The following NRXN1 variants were observed in gnomAD, a reference collection of about 807,000 sequenced individuals.
NRXN1 encodes neurexin-1.
A neutral mutation model predicts 150.9 loss-of-function variants in NRXN1; 39 were observed. The ratio of observed to expected loss-of-function variants is 0.26; its 90% confidence interval spans 0.20 to 0.34. NRXN1 has a LOEUF of 0.34. Ranked by LOEUF, NRXN1 falls within the 10% of genes least tolerant of loss-of-function variation. The pLI is 1.00. For missense variants in NRXN1, 1,815 were observed against 1,949.9 expected, an observed-to-expected ratio of 0.93 and a Z score of 1.30; for synonymous variants, 924 against 757.0, an observed-to-expected ratio of 1.22 and a Z score of -3.62.
intron 5 of NRXN1, among the ~76,000 whole-genome samples, chr2:50,797,329 A>C (rs752638781): frequency 1.3e-5 from 2 of 152,100 alleles, no homozygotes; most frequent in African/African-American, 2.4e-5. Context: ...AGTAGTTCTC[A>C]ATCACTGGAG....
chr2:50,935,265 T>C (rs987718481), intron 2 of NRXN1, among the ~76,000 whole-genome samples: 6 of 152,096 alleles, frequency 3.9e-5, no homozygotes, highest in East Asian at 3.9e-4. Context: ...GCAAATAAAA[T>C]AGTCAACATT....
At chr2:50,535,317 C>G (rs1197296618) in intron 10 of NRXN1, among the ~76,000 whole-genome samples, 1 of 152,228 alleles carries the variant, frequency 6.6e-6, no homozygotes, top group Non-Finnish European at 1.5e-5. Context: ...TCAACTTTGT[C>G]TTCTATATCT....
At chr2:50,249,844 G>A (rs982524301) in intron 17 of NRXN1, among the ~76,000 whole-genome samples, 3 of 151,886 alleles carry the variant, frequency 2.0e-5, no homozygotes, top group African/African-American at 7.3e-5. Flanking sequence ...CACCATGTTG[G>A]CCAGGCTTGT....
chr2:50,666,878 G>GTGTGTGTGTGTGTGT (rs1559097612), intron 5 of NRXN1, among the ~76,000 whole-genome samples: 2 of 128,856 alleles, frequency 1.6e-5, no homozygotes, highest in East Asian at 2.4e-4. Context: ...TGATGATGAT[G>GTGTGTGTGTGTGTGT]ATGTGTGTGT....
At chr2:50,172,768 A>G (rs1243492080) in intron 18 of NRXN1, among the ~76,000 whole-genome samples, 3 of 152,174 alleles carry the variant, frequency 2.0e-5, no homozygotes, top group Non-Finnish European at 4.4e-5. Context: ...GGAGTTCGAG[A>G]CCAGCCTAAT....
chr2:50,948,954 T>C (rs1690846463), intron 2 of NRXN1, among the ~76,000 whole-genome samples: 1 of 151,978 alleles, frequency 6.6e-6, no homozygotes, highest in Admixed American at 6.6e-5. Context: ...TTGGATCTGG[T>C]GGAATACACC....
At chr2:50,766,797 G>A (rs1021289863) in intron 5 of NRXN1, among the ~76,000 whole-genome samples, 4 of 151,986 alleles carry the variant, frequency 2.6e-5, no homozygotes, top group Admixed American at 1.3e-4. Flanking sequence ...CAGATGTGCA[G>A]AATATAAGGG....
intron 17 of NRXN1, among the ~76,000 whole-genome samples, chr2:50,332,707 C>G (rs1915166): frequency 0.22 from 32,966 of 152,028 alleles, 4,217 homozygotes; most frequent in East Asian, 0.5. Flanking sequence ...TTAATAATTC[C>G]CAGCAAGTAA....
intron 5 of NRXN1, among the ~76,000 whole-genome samples, chr2:50,759,425 C>T (rs568227471): frequency 5.3e-4 from 81 of 151,924 alleles, no homozygotes; most frequent in African/African-American, 1.9e-3. Context: ...AGATAACTAG[C>T]ATAAAAGGAA....
intron 17 of NRXN1, among the ~76,000 whole-genome samples, chr2:50,433,356 G>A (rs2085139622): frequency 6.6e-6 from 1 of 152,128 alleles, no homozygotes; most frequent in African/African-American, 2.4e-5. Context: ...ATGAGTGCAT[G>A]TTTAAAAATA....
intron 22 of NRXN1, among the ~76,000 whole-genome samples, chr2:49,936,653 G>C (rs191085422): frequency 1.3e-5 from 2 of 151,602 alleles, no homozygotes; most frequent in Non-Finnish European, 2.9e-5. Flanking sequence ...TTCATTTCTG[G>C]TGGCATGTCA....
At chr2:50,658,602 C>T (rs2104620123) in intron 5 of NRXN1, among the ~76,000 whole-genome samples, 1 of 152,078 alleles carries the variant, frequency 6.6e-6, no homozygotes, top group South Asian at 2.1e-4. Context: ...CGTTCCTTCA[C>T]ATTCCTTTCC....
At chr2:50,899,301 A>T (rs1319229872) in intron 5 of NRXN1, among the ~76,000 whole-genome samples, 1 of 152,192 alleles carries the variant, frequency 6.6e-6, no homozygotes, top group East Asian at 1.9e-4. Context: ...TACAATTGAA[A>T]ACGTTATCAG....
intron 17 of NRXN1, among the ~76,000 whole-genome samples, chr2:50,390,447 G>A (rs1170648278): frequency 6.6e-6 from 1 of 152,088 alleles, no homozygotes; most frequent in Non-Finnish European, 1.5e-5. Context: ...ATTTACACAG[G>A]CTAGTGTGGC....
intron 2 of NRXN1, among the ~76,000 whole-genome samples, chr2:51,006,552 A>AT (rs1700748563): frequency 1.4e-5 from 2 of 143,796 alleles, no homozygotes; most frequent in African/African-American, 2.9e-5. Context: ...TAATAATAAA[A>AT]TTTAAAAAAA....
intron 8 of NRXN1, among the ~76,000 whole-genome samples, chr2:50,596,875 T>TC (rs1675317193): frequency 1.3e-5 from 2 of 148,384 alleles, no homozygotes; most frequent in African/African-American, 5.0e-5. Flanking sequence ...TTTTTTTTTT[T>TC]TTTTTTTTTT....
At chr2:50,232,415 T>G (rs13395901) in intron 18 of NRXN1, among the ~76,000 whole-genome samples, 56,175 of 137,138 alleles carry the variant, frequency 0.41, 11,621 homozygotes, top group Middle Eastern at 0.45. Flanking sequence ...TGAGACGGAG[T>G]GTCACTCTGT....
chr2:50,321,706 A>G (rs1306577054), intron 17 of NRXN1, among the ~76,000 whole-genome samples: 1 of 152,162 alleles, frequency 6.6e-6, no homozygotes, highest in African/African-American at 2.4e-5. Context: ...GACAAAAATT[A>G]GCAGTTATTA....
rs115934127 is a variant in NRXN1 at position 49,954,867 on chromosome 2, T to A, written c.4129-11076A>T. Among the ~76,000 whole-genome samples, 1,474 of 152,290 alleles carry A rather than the reference T, an allele frequency of 9.7e-3. 23 individuals are homozygous for A. The highest frequency in any genetic ancestry group is 0.013 in the Non-Finnish European group (895 of 68,012). On this transcript the variant is annotated intron_variant, in intron 21 of 22. Transcript: ENST00000401669. ...TTTTATTTCATATGCTGCTTTTGGG[T>A]ACAGTTTATGTTTTATGCCCCCAGG...
Sources: allele counts gnomAD v4.1 joint callset (sites outside exome capture counted in the v4.1 genomes callset), GRCh38; gene constraint gnomAD v4.1.1; transcripts MANE v1.5; gene names NCBI Gene and HGNC (gene_info 2026-07-23, HGNC 2026-07-21).